The following OIT3 variants were observed in gnomAD, a reference collection of about 807,000 sequenced individuals.
The protein encoded by OIT3 is oncoprotein induced transcript 3, also known as oncoprotein-induced transcript 3 protein.
OIT3 carries 41 observed loss-of-function variants against 52.2 expected under a neutral mutation model. The ratio of observed to expected loss-of-function variants is 0.79; its 90% CI spans 0.61 to 1.02. The LOEUF (loss-of-function observed/expected upper bound fraction) is 1.02. Ranked by LOEUF, OIT3 falls within the 50% of genes least tolerant of loss-of-function variation. The pLI is 0.00. For missense variants in OIT3, 634 were observed against 715.5 expected, an observed-to-expected ratio of 0.89 and a Z score of 1.30; for synonymous variants, 244 against 276.9, an observed-to-expected ratio of 0.88 and a Z score of 1.18.
chr10:72,910,233 GA>G (rs1287183838), intron 4 of OIT3, among the ~76,000 whole-genome samples: 1 of 151,938 alleles, frequency 6.6e-6, no homozygotes, highest in Non-Finnish European at 1.5e-5. Context: ...AACTTTTAAG[GA>G]AAAAAAGTGC....
intron 2 of OIT3, among the ~76,000 whole-genome samples, chr10:72,899,758 T>TA (rs1360717558): frequency 2.6e-4 from 36 of 136,762 alleles, no homozygotes; most frequent in African/African-American, 7.8e-4. Context: ...GATAGATAGA[T>TA]GATAGATAGA....
intron 7 of OIT3, among the ~76,000 whole-genome samples, chr10:72,925,065 C>T (rs1168267871): frequency 2.7e-5 from 4 of 148,166 alleles, no homozygotes; most frequent in Non-Finnish European, 4.4e-5. Context: ...GAGCCAAGAT[C>T]GCACCATTGC....
At chr10:72,913,204 T>G (rs926063477) in intron 5 of OIT3, 104 bp from the exon 6 acceptor site, 11 of 862,474 alleles carry the variant, frequency 1.3e-5, no homozygotes, top group African/African-American at 8.3e-5. Flanking sequence ...TCCTTGGGGA[T>G]GGAACAAAAA....
Position 72,911,782 on chromosome 10 carries a change from T to C in OIT3, c.733T>C (p.Tyr245His), listed in dbSNP as rs1313868855. The C allele has an allele frequency of 1.2e-6, 2 of 1,613,668 alleles. No homozygotes were observed. Among genetic ancestry groups the C allele is most frequent in the Non-Finnish European group, 1.7e-6 (2 of 1,179,762 alleles). Residue 245 changes from tyrosine to histidine, a missense_variant, in exon 5 of 9, where the codon TAC (tyrosine) becomes CAC (histidine). Transcript: ENST00000334011. ...CTCTTGCCTTGGATCTGAGAAAGGC[T>C]ACCAGTGTGAATGTCCCCGGGGCCT... is the stretch of plus-strand genomic sequence containing the variant. ...SHSCLGSEKG[Y>H]QCECPRGLVL... is the part of the protein sequence containing the mutation.
chr10:72,930,661 TAACCCCTG>T (rs776632457), intron 8 of OIT3, 24 bp downstream of exon 8: 130 of 1,293,888 alleles, frequency 1.0e-4, no homozygotes, highest in Middle Eastern at 1.8e-4. Context: ...CTTTAATTTA[TAACCCCTG>T]AACCTGAGCC....
chr10:72,911,583 C>T, intron 4 of OIT3, 134 bp from the exon 5 acceptor site: 3 of 817,782 alleles, frequency 3.7e-6, no homozygotes, highest in Middle Eastern at 6.0e-4. Context: ...TGAGGTCTTG[C>T]CCGAATGTCC....
rs988118735 is a variant in OIT3 at position 72,926,680 on chromosome 10, C to T, written c.1367+2036C>T. Among the ~76,000 whole-genome samples, 12 of 152,270 alleles carry T rather than the reference C, an allele frequency of 7.9e-5. No individual in the cohort carries two copies. The East Asian group carries it at 1.2e-3, about 15-fold the overall frequency. On this transcript the variant is annotated intron_variant, in intron 7 of 8. Transcript: ENST00000334011. The stretch of plus-strand genomic sequence containing the variant: ...GTTTGTCATCCTGAGCTACTCTGGA[C>T]GGCCCGTAGCAAAGGGCATCTGCAG...
chr10:72,895,364 A>ATATGGG, intron 1 of OIT3, among the ~76,000 whole-genome samples: 1 of 152,008 alleles, frequency 6.6e-6, no homozygotes, highest in African/African-American at 2.4e-5. Flanking sequence ...CTTTCCATAT[A>ATATGGG]CCATCGCCCT....
chr10:72,918,830 C>T (rs1846097478), intron 6 of OIT3, among the ~76,000 whole-genome samples: 1 of 152,128 alleles, frequency 6.6e-6, no homozygotes, highest in Admixed American at 6.6e-5. Context: ...TTCCATTGAT[C>T]TGTGTCTGTT....
At position 72,932,765 on chromosome 10, in the gene OIT3, C is replaced by A; in HGVS notation, c.*241C>A. ...AGGGTTGAAAACTAAACTGTCCACC[C>A]AGAAAGACACTCACCCCATTTCCCT... is the stretch of plus-strand genomic sequence containing the variant. On this transcript the variant is annotated 3_prime_UTR_variant, in exon 9 of 9. Coordinates refer to ENST00000334011, the MANE Select transcript of OIT3 (RefSeq NM_152635.3). 1 of 410,068 alleles carries A rather than the reference C, an allele frequency of 2.4e-6. No homozygotes were observed. The highest frequency in any genetic ancestry group is 3.8e-5 in the East Asian group (1 of 26,280). 25.4% of individuals were successfully genotyped at this position (410,068 alleles called of 1,614,324 possible).
Position 72,913,353 on chromosome 10 carries a change from G to A in OIT3, c.836G>A (p.Arg279Lys), listed in dbSNP as rs1846046620. ...KSNAIEVNIP[R>K]ELVGGLELFL... is the part of the protein sequence containing the mutation. Reference sequence around the variant, plus strand: ...AATGCCATTGAAGTGAACATCCCCAGGGAGCTGGTTGGTGGCCTGGAGCTC... The same window carrying A: ...AATGCCATTGAAGTGAACATCCCCAAGGAGCTGGTTGGTGGCCTGGAGCTC... The change falls in exon 6 of 9, where the codon AGG (arginine) becomes AAG (lysine). Residue 279 changes from arginine (R) to lysine (K), a missense_variant. Physicochemically the swap from Arg to Lys is conservative, Grantham distance 26 (BLOSUM62 2). Transcript: ENST00000334011. 1.2e-6 allele frequency: 2 copies of A among 1,613,356 alleles called. No homozygotes were observed. Among genetic ancestry groups the A allele is most frequent in the Non-Finnish European group, 1.7e-6 (2 of 1,179,486 alleles).
intron 2 of OIT3, among the ~76,000 whole-genome samples, chr10:72,899,440 CA>C (rs1181051468): frequency 1.3e-5 from 2 of 151,612 alleles, no homozygotes; most frequent in Non-Finnish European, 1.5e-5. Flanking sequence ...ACTAGAAATA[CA>C]AAAATTAGAC....
chr10:72,894,701 A>T (rs961762398), intron 1 of OIT3, among the ~76,000 whole-genome samples: 1 of 152,076 alleles, frequency 6.6e-6, no homozygotes, highest in African/African-American at 2.4e-5. Flanking sequence ...AACATGGTGA[A>T]ACTCCGTCTC....
intron 4 of OIT3, among the ~76,000 whole-genome samples, chr10:72,910,639 A>G (rs1365386668): frequency 6.6e-6 from 1 of 152,256 alleles, no homozygotes; most frequent in Non-Finnish European, 1.5e-5. Context: ...CTGCTTTTTA[A>G]AAACTATTAT....
intron 7 of OIT3, among the ~76,000 whole-genome samples, chr10:72,930,332 G>A (rs1469509152): frequency 6.6e-6 from 1 of 152,184 alleles, no homozygotes; most frequent in Non-Finnish European, 1.5e-5. Context: ...AATGATAAAT[G>A]GGACAGATGC....
At chr10:72,916,860 G>A (rs1305481532) in intron 6 of OIT3, among the ~76,000 whole-genome samples, 1 of 151,988 alleles carries the variant, frequency 6.6e-6, no homozygotes, top group Non-Finnish European at 1.5e-5. Flanking sequence ...CTTTTTAATA[G>A]TAGCCATTCT....
At chr10:72,909,491 CACTT>C (rs761140452) in intron 4 of OIT3, among the ~76,000 whole-genome samples, 2 of 152,104 alleles carry the variant, frequency 1.3e-5, no homozygotes, top group East Asian at 3.9e-4. Flanking sequence ...GTTTAGCTCT[CACTT>C]ACAAGTGAGA....
At chr10:72,932,010 A>T (rs1846220918) in intron 8 of OIT3, among the ~76,000 whole-genome samples, 1 of 152,190 alleles carries the variant, frequency 6.6e-6, no homozygotes, top group Non-Finnish European at 1.5e-5. Context: ...CTATCCCCAG[A>T]CCTTGGTGTG....
intron 6 of OIT3, among the ~76,000 whole-genome samples, chr10:72,918,936 G>A (rs1267723542): frequency 6.6e-6 from 1 of 152,134 alleles, no homozygotes; most frequent in Admixed American, 6.5e-5. Flanking sequence ...TTTTGCTTAG[G>A]ATTGCCTTGG....
Sources: allele counts gnomAD v4.1 joint callset (sites outside exome capture counted in the v4.1 genomes callset), GRCh38; gene constraint gnomAD v4.1.1; transcripts MANE v1.5; gene names NCBI Gene and HGNC (gene_info 2026-07-23, HGNC 2026-07-21).